Variants in OTOP2 observed in about 807,000 individuals in gnomAD.
The protein encoded by OTOP2 is otopetrin 2.
Under a neutral mutation model 47.4 loss-of-function variants are expected in OTOP2, and 41 were observed. The ratio of observed to expected loss-of-function variants is 0.87; its 90% CI spans 0.67 to 1.12. The LOEUF (loss-of-function observed/expected upper bound fraction) is 1.12, where lower values mean the gene tolerates loss of function less well. Ranked by LOEUF, OTOP2 falls within the 50% of genes most tolerant of loss-of-function variation. The pLI is 0.00. For missense variants in OTOP2, 721 were observed against 752.2 expected, an observed-to-expected ratio of 0.96 and a Z score of 0.49; for synonymous variants, 328 against 319.6, an observed-to-expected ratio of 1.03 and a Z score of -0.28.
chr17:74,927,649 C>G lies in OTOP2; in HGVS notation c.510-16C>G. On this transcript the variant is annotated splice_polypyrimidine_tract_variant and intron_variant, in intron 4 of 6. Transcript: ENST00000331427. ...GGGTCACAGGCCTCTTTGTCCCCACCCCTGACCCCAAACAGGTGTGGTCTC... is the reference window on the plus strand; with the variant it reads ...GGGTCACAGGCCTCTTTGTCCCCACGCCTGACCCCAAACAGGTGTGGTCTC... 6.2e-7 allele frequency: 1 copy of G among 1,608,602 alleles called. No homozygotes were observed. The highest frequency in any genetic ancestry group is 8.5e-7 in the Non-Finnish European group (1 of 1,176,844).
rs2039000530 is a variant in OTOP2 at position 74,925,654 on chromosome 17, C to T, written c.412C>T (p.Leu138=). 6.2e-7 allele frequency: 1 copy of T among 1,614,206 alleles called. No individual in the cohort carries two copies. The highest frequency in any genetic ancestry group is 1.3e-5 in the African/African-American group (1 of 75,044). The change falls in exon 3 of 7, where the codon CTG becomes TTG. Residue 138 remains leucine, a synonymous_variant. Coordinates refer to ENST00000331427, the MANE Select transcript of OTOP2 (RefSeq NM_178160.3). ...TGAGTGCCAGTCAGCCATCAAGATC[C>T]TGCACCCCCTCATCCAGGCTGTGTT... ...FFECQSAIKI[L]HPLIQAVFVI... is the part of the protein sequence containing the mutation.
In OTOP2 at chr17:74,924,548, G is replaced by A; in HGVS notation, c.-33-52G>A. ...CCCCAAGTCTAGGGATGAGATGGGG[G>A]AAGGAGAGCCGTCAGGGTTGACCTG... On this transcript the variant is annotated intron_variant, in intron 1 of 6. Coordinates refer to ENST00000331427, the MANE Select transcript of OTOP2 (RefSeq NM_178160.3). This position sits in a 1 kb window ranked among gnomAD's most constrained non-coding sequence, Gnocchi z 7.7. The A allele has an allele frequency of 7.1e-7, 1 of 1,407,328 alleles. No individual in the cohort carries two copies. Among genetic ancestry groups the A allele is most frequent in the South Asian group, 1.5e-5 (1 of 67,652 alleles). 87.2% of individuals were successfully genotyped at this position (1,407,328 alleles called of 1,614,324 possible).
Position 74,930,767 on chromosome 17 carries a change from G to A in OTOP2, c.1132G>A (p.Gly378Ser), listed in dbSNP as rs756405353. ...DVALLMGAALGQYAISYYSIV... is the reference protein window; with the variant it reads ...DVALLMGAALSQYAISYYSIV... ...GGCCCTGCTGATGGGTGCCGCCCTG[G>A]GTCAGTACGCCATCTCTTACTACTC... The change falls in exon 6 of 7, where the codon GGT (glycine) becomes AGT (serine). Residue 378 changes from glycine to serine, a missense_variant. By Grantham distance (56) the Gly-to-Ser change is moderately conservative. Transcript: ENST00000331427. This position sits in a 1 kb window ranked among gnomAD's most constrained non-coding sequence, Gnocchi z 4.0. The A allele has an allele frequency of 6.2e-7, 1 of 1,613,972 alleles. No homozygotes were observed. Among genetic ancestry groups the A allele is most frequent in the Admixed American group, 1.7e-5 (1 of 60,006 alleles).
At chr17:74,931,953 C>CAAAAAAAAAA (rs5822060) in intron 6 of OTOP2, among the ~76,000 whole-genome samples, 3 of 84,070 alleles carry the variant, frequency 3.6e-5, no homozygotes, top group African/African-American at 5.0e-5. Context: ...GACACTCTGT[C>CAAAAAAAAAA]AAAAAAAAAA....
intron 5 of OTOP2, 146 bp downstream of exon 5, chr17:74,927,944 C>T: frequency 2.7e-6 from 3 of 1,124,950 alleles, no homozygotes; most frequent in Non-Finnish European, 3.7e-6. Flanking sequence ...CAGGATCTAC[C>T]TCTGCAGTAT....
At chr17:74,925,024 T>C in intron 2 of OTOP2, 79 bp downstream of exon 2, 1 of 1,436,680 alleles carries the variant, frequency 7.0e-7, no homozygotes, top group Non-Finnish European at 9.2e-7. Context: ...AGTTGCAGAG[T>C]GCAGATTGAC....
chr17:74,926,305 A>C (rs1050626936), intron 3 of OTOP2, among the ~76,000 whole-genome samples: 1 of 152,216 alleles, frequency 6.6e-6, no homozygotes. Flanking sequence ...TTCAGCACAC[A>C]TGTGGCTGTG....
intron 3 of OTOP2, among the ~76,000 whole-genome samples, chr17:74,926,255 C>G (rs2039007423): frequency 6.6e-6 from 1 of 152,230 alleles, no homozygotes; most frequent in African/African-American, 2.4e-5. Flanking sequence ...GGATGATGCC[C>G]TCCCCAGAAA....
At position 74,933,716 on chromosome 17, in the gene OTOP2, A is replaced by T; in HGVS notation, c.*171A>T. ...TTTCCAGGTTCAATTTTTAAATCACAGTCAGGACAGGCCCATCCACCCCAG... is the reference window on the plus strand; with the variant it reads ...TTTCCAGGTTCAATTTTTAAATCACTGTCAGGACAGGCCCATCCACCCCAG... On this transcript the variant is annotated 3_prime_UTR_variant, in exon 7 of 7. Transcript: ENST00000331427. This position sits in a 1 kb window ranked among gnomAD's most constrained non-coding sequence, Gnocchi z 4.7. 1 of 801,350 alleles carries T rather than the reference A, an allele frequency of 1.2e-6. No individual in the cohort carries two copies. Among genetic ancestry groups the T allele is most frequent in the Non-Finnish European group, 1.9e-6 (1 of 531,408 alleles). The allele number at this position is 801,350 out of a possible 1,614,324, so 49.6% of individuals were successfully genotyped here.
Position 74,933,370 on chromosome 17 carries a change from C to T in OTOP2, c.1519-5C>T. ...AGCTCCTGAAATGCTCCTCTCTCCA[C>T]ACAGCTGTGGATCATGCCTGCCTTC... On this transcript the variant is annotated splice_polypyrimidine_tract_variant and splice_region_variant and intron_variant, in intron 6 of 6. Coordinates refer to ENST00000331427, the MANE Select transcript of OTOP2 (RefSeq NM_178160.3). This position sits in a 1 kb window ranked among gnomAD's most constrained non-coding sequence, Gnocchi z 4.7. The T allele has an allele frequency of 6.3e-7, 1 of 1,599,520 alleles. No homozygotes were observed. The highest frequency in any genetic ancestry group is 8.6e-7 in the Non-Finnish European group (1 of 1,168,748).
Position 74,933,754 on chromosome 17 carries a change from G to A in OTOP2, c.*209G>A, listed in dbSNP as rs1567946798. The A allele has an allele frequency of 1.9e-6, 1 of 521,026 alleles. No homozygotes were observed. The highest frequency in any genetic ancestry group is 3.3e-6 in the Non-Finnish European group (1 of 306,102). The allele number at this position is 521,026 out of a possible 1,614,324, so 32.3% of individuals were successfully genotyped here. The stretch of plus-strand genomic sequence containing the variant: ...CCATCCACCCCAGTATGACCGTGGG[G>A]CATGAGGTGACTGGGGAAGGGAGAC... On this transcript the variant is annotated 3_prime_UTR_variant, in exon 7 of 7. Transcript: ENST00000331427. This position sits in a 1 kb window ranked among gnomAD's most constrained non-coding sequence, Gnocchi z 4.7.
At chr17:74,931,177 G>A (rs1329039046) in intron 6 of OTOP2, 24 bp downstream of exon 6, 7 of 1,557,798 alleles carry the variant, frequency 4.5e-6, no homozygotes, top group African/African-American at 4.1e-5. Context: ...GGGAGAAAGG[G>A]TGGGCTTGGG....
At chr17:74,927,077 C>G (rs1359273413) in intron 3 of OTOP2, 146 bp from the exon 4 acceptor site, 1 of 800,562 alleles carries the variant, frequency 1.2e-6, no homozygotes, top group East Asian at 2.5e-5. Context: ...ACCCAGCCTC[C>G]ACCTCATTTT....
chr17:74,924,436 G>A lies in OTOP2; in HGVS notation c.-34+103G>A. ...CTCCTTTCTTCCCATCCAGCGAGAG[G>A]GGCAGGTTCCGCATTTTCTCTTCCC... On this transcript the variant is annotated intron_variant, in intron 1 of 6. Coordinates refer to ENST00000331427, the MANE Select transcript of OTOP2 (RefSeq NM_178160.3). The surrounding 1 kb of genome is among the most constrained non-coding windows in gnomAD (Gnocchi z 7.7). The A allele has an allele frequency of 1.7e-6, 1 of 601,452 alleles. No homozygotes were observed. Among genetic ancestry groups the A allele is most frequent in the East Asian group, 3.0e-5 (1 of 32,896 alleles). The allele number at this position is 601,452 out of a possible 1,614,324, so 37.3% of individuals were successfully genotyped here. A position where few individuals can be genotyped will look rare whatever the true frequency, so the allele number is the denominator to read the frequency against.
rs1156831124 is a variant in OTOP2, at chr17:74,930,548, G to C, written c.913G>C (p.Ala305Pro). Residue 305 changes from alanine to proline, a missense_variant, in exon 6 of 7, where the codon GCT becomes CCT. By Grantham distance (27) the Ala-to-Pro change is conservative. Transcript: ENST00000331427. The surrounding 1 kb of genome is among the most constrained non-coding windows in gnomAD (Gnocchi z 4.0). ...LGLLLFVVGLAVFIIYEVQVS... is the reference protein window; with the variant it reads ...LGLLLFVVGLPVFIIYEVQVS... ...CCTGCTGCTCTTCGTGGTGGGGCTGGCTGTCTTCATCATCTACGAGGTTCA... is the reference window on the plus strand; with the variant it reads ...CCTGCTGCTCTTCGTGGTGGGGCTGCCTGTCTTCATCATCTACGAGGTTCA... The C allele has an allele frequency of 1.1e-5, 17 of 1,613,134 alleles. No homozygotes were observed. In the Admixed American group the frequency reaches 2.8e-4, roughly 27 times the overall value.
In OTOP2 at chr17:74,930,733, T is replaced by C. The variant is rs2144768231; in HGVS notation, c.1098T>C (p.Thr366=). The C allele has an allele frequency of 6.2e-7, 1 of 1,614,064 alleles. No homozygotes were observed. The highest frequency in any genetic ancestry group is 1.3e-5 in the African/African-American group (1 of 74,986). The part of the protein sequence containing the change: ...AMDHHKNPTR[T]LDVALLMGAA... ...ACCACCATAAGAACCCCACGCGCAC[T>C]CTGGACGTGGCCCTGCTGATGGGTG... is the stretch of plus-strand genomic sequence containing the variant. Residue 366 remains threonine (T), a synonymous_variant, in exon 6 of 7, where the codon ACT becomes ACC. Coordinates refer to ENST00000331427, the MANE Select transcript of OTOP2 (RefSeq NM_178160.3). The surrounding 1 kb of genome is among the most constrained non-coding windows in gnomAD (Gnocchi z 4.0).
rs148862923 is a variant in OTOP2, at chr17:74,931,814, G to A, written c.1518+661G>A. Reference sequence around the variant, plus strand: ...CTAAAAATACAAAAATTAGCCAGGCGTGGTAGTGTGCGCACCCTATAATCT... The same window carrying A: ...CTAAAAATACAAAAATTAGCCAGGCATGGTAGTGTGCGCACCCTATAATCT... On this transcript the variant is annotated intron_variant, in intron 6 of 6. Transcript: ENST00000331427. Among the ~76,000 whole-genome samples the A allele has an allele frequency of 2.6e-3, 393 of 152,160 alleles. 3 individuals carry two copies. The highest frequency in any genetic ancestry group is 8.8e-3 in the African/African-American group (365 of 41,516).
chr17:74,932,132 G>C (rs969714465), intron 6 of OTOP2, among the ~76,000 whole-genome samples: 5 of 152,008 alleles, frequency 3.3e-5, no homozygotes, highest in Non-Finnish European at 1.5e-5. Context: ...TATTACCTCT[G>C]ATATAGAAAC....
At chr17:74,927,600 A>C (rs2039020127) in intron 4 of OTOP2, 65 bp from the exon 5 acceptor site, 2 of 1,560,442 alleles carry the variant, frequency 1.3e-6, no homozygotes, top group South Asian at 2.4e-5. Flanking sequence ...ACCAGCTCTC[A>C]GTATTGCTCC....
Sources: gnomAD v4.1 joint callset for allele counts (sites outside exome capture counted in the v4.1 genomes callset) on GRCh38, gnomAD v4.1.1 for gene constraint, Gnocchi (gnomAD v3.1) non-coding constraint, MANE v1.5 for transcripts, NCBI Gene and HGNC (gene_info 2026-07-23, HGNC 2026-07-21) for gene names.